CYP2C19: variants seen among roughly 807,000 people sequenced by gnomAD.
CYP2C19 encodes cytochrome P450 2C19.
Under a neutral mutation model 40.9 loss-of-function variants are expected in CYP2C19, and 59 were observed. That is an observed-to-expected ratio of 1.44 (90% CI 1.17 to 1.79). The LOEUF (loss-of-function observed/expected upper bound fraction) is 1.79, where lower values mean the gene tolerates loss of function less well. CYP2C19 is among the 40% of genes most tolerant of loss of function. The probability of loss-of-function intolerance (pLI) is 0.00; values close to 1 mark genes in which losing one functional copy is unlikely to be tolerated. For missense variants in CYP2C19, 754 were observed against 596.9 expected, an observed-to-expected ratio of 1.26 and a Z score of -2.74; for synonymous variants, 253 against 208.7, an observed-to-expected ratio of 1.21 and a Z score of -1.83.
intron 6 of CYP2C19, among the ~76,000 whole-genome samples, chr10:94,837,494 CT>C (rs1353495292): frequency 6.6e-6 from 1 of 152,116 alleles, no homozygotes; most frequent in Non-Finnish European, 1.5e-5. Flanking sequence ...ATAATGGCCC[CT>C]GGTTTTGCTA....
intron 5 of CYP2C19, among the ~76,000 whole-genome samples, chr10:94,816,034 T>C (rs1848996730): frequency 6.6e-6 from 1 of 152,120 alleles, no homozygotes; most frequent in South Asian, 2.1e-4. Flanking sequence ...TTCTCATTTG[T>C]GTTTTGAGAA....
intron 1 of CYP2C19, among the ~76,000 whole-genome samples, chr10:94,766,957 A>G (rs1333502695): frequency 6.6e-6 from 1 of 152,096 alleles, no homozygotes; most frequent in Non-Finnish European, 1.5e-5. Flanking sequence ...CCTGGTTGAA[A>G]CAACTCTGTT....
rs563843490 is a variant in CYP2C19 at position 94,790,620 on chromosome 10, T to C, written c.819+8623T>C. Among the ~76,000 whole-genome samples the C allele has an allele frequency of 3.1e-3, 472 of 152,276 alleles. 3 individuals carry two copies. Among genetic ancestry groups the C allele is most frequent in the African/African-American group, 0.011 (449 of 41,564 alleles). ...GAGATAATCATGTGGTTTTTGTCTT[T>C]GGTTCTGTTTATATGATGGATTACG... On this transcript the variant is annotated intron_variant, in intron 5 of 8. Transcript: ENST00000371321.
rs577992877 is a variant in CYP2C19, at chr10:94,764,552, C to A, written c.168+1679C>A. On this transcript the variant is annotated intron_variant, in intron 1 of 8. Transcript: ENST00000371321. ...CCCCCCTTTAAACAGGACACCCCAA[C>A]TGCTGTTGGGAATTCGGTGATGACT... 3.9e-5 allele frequency among the ~76,000 whole-genome samples: 6 copies of A among 152,256 alleles called. No individual in the cohort carries two copies. The East Asian group carries it at 7.7e-4, about 20-fold the overall frequency.
intron 1 of CYP2C19, among the ~76,000 whole-genome samples, chr10:94,770,062 G>A (rs116760760): frequency 3.9e-5 from 6 of 152,300 alleles, no homozygotes; most frequent in South Asian, 2.1e-4. Context: ...CTTGAGGACC[G>A]TCATCCAGGA....
At chr10:94,768,609 G>A (rs1848281752) in intron 1 of CYP2C19, among the ~76,000 whole-genome samples, 1 of 152,146 alleles carries the variant, frequency 6.6e-6, no homozygotes, top group Non-Finnish European at 1.5e-5. Flanking sequence ...TATATCATGA[G>A]TAGTCCAGAC....
rs1367595026 is a variant in CYP2C19, at chr10:94,768,336, A to G, written c.168+5463A>G. The stretch of plus-strand genomic sequence containing the variant: ...TGCCCTTCATATCCCATTCTCCACA[A>G]ATGAACTTCCTTCGGTATATAGGTT... On this transcript the variant is annotated intron_variant, in intron 1 of 8. Coordinates refer to ENST00000371321, the MANE Select transcript of CYP2C19 (RefSeq NM_000769.4). Among the ~76,000 whole-genome samples the G allele has an allele frequency of 2.6e-5, 4 of 152,142 alleles. No homozygotes were observed. The East Asian group carries it at 5.8e-4, about 22-fold the overall frequency.
intron 7 of CYP2C19, among the ~76,000 whole-genome samples, chr10:94,846,823 T>A (rs1256242118): frequency 1.3e-5 from 2 of 151,262 alleles, no homozygotes; most frequent in African/African-American, 2.4e-5. Flanking sequence ...TATCTCCTAA[T>A]GCTATCTTTC....
intron 5 of CYP2C19, among the ~76,000 whole-genome samples, chr10:94,798,752 G>C (rs1848723059): frequency 6.8e-6 from 1 of 146,576 alleles, no homozygotes. Flanking sequence ...AATGGCCTTT[G>C]TCTGTTTTGT....
At chr10:94,837,343 G>A (rs1190657756) in intron 6 of CYP2C19, among the ~76,000 whole-genome samples, 1 of 152,134 alleles carries the variant, frequency 6.6e-6, no homozygotes, top group Admixed American at 6.6e-5. Context: ...GGGAAAGGAG[G>A]TGGAGTCCTT....
rs867480557 is a variant in CYP2C19 at position 94,777,462 on chromosome 10, C to T, written c.481+1923C>T. Among the ~76,000 whole-genome samples the T allele has an allele frequency of 2.0e-5, 3 of 152,170 alleles. No individual in the cohort carries two copies. In the East Asian group the frequency reaches 5.8e-4, roughly 29 times the overall value. ...CTGATACCAAAACAGATATATAGAACAATGGAACAGAACAGAGACCTCAGA... is the reference window on the plus strand; with the variant it reads ...CTGATACCAAAACAGATATATAGAATAATGGAACAGAACAGAGACCTCAGA... On this transcript the variant is annotated intron_variant, in intron 3 of 8. Coordinates refer to ENST00000371321, the MANE Select transcript of CYP2C19 (RefSeq NM_000769.4).
intron 6 of CYP2C19, among the ~76,000 whole-genome samples, chr10:94,830,919 C>G (rs753919851): frequency 1.3e-5 from 2 of 152,096 alleles, no homozygotes; most frequent in Non-Finnish European, 2.9e-5. Context: ...TTCAATTACA[C>G]TCTTTCAGTT....
chr10:94,818,761 A>C (rs1410010924), intron 5 of CYP2C19, among the ~76,000 whole-genome samples: 1 of 149,560 alleles, frequency 6.7e-6, no homozygotes, highest in Non-Finnish European at 1.5e-5. Flanking sequence ...ACTTTGCTGA[A>C]GTTGCTTATC....
In CYP2C19 at chr10:94,781,979, C is replaced by A. The variant is rs377674118; in HGVS notation, c.801C>A (p.Phe267Leu). 77 of 1,535,144 alleles carry A rather than the reference C, an allele frequency of 5.0e-5. No homozygotes were observed. The Middle Eastern group carries it at 5.1e-4, about 10-fold the overall frequency. Residue 267 changes from phenylalanine to leucine, a missense_variant, in exon 5 of 9, where the codon TTC (phenylalanine) becomes TTA (leucine). Transcript: ENST00000371321. ...ACCCTCGGGACTTTATTGATTGCTT[C>A]CTGATCAAAATGGAGAAGGTAAAAT... ...INNPRDFIDC[F>L]LIKMEKEKQN...
Position 94,842,941 on chromosome 10 carries a change from C to T in CYP2C19, c.1066C>T (p.Gln356Ter), listed in dbSNP as rs1849518550. 6.2e-7 allele frequency: 1 copy of T among 1,614,088 alleles called. No individual in the cohort carries two copies. The highest frequency in any genetic ancestry group is 1.3e-5 in the African/African-American group (1 of 74,924). ...CACAGATGCTGTGGTGCACGAGGTCCAGAGATACATCGACCTCATCCCCAC... is the reference window on the plus strand; with the variant it reads ...CACAGATGCTGTGGTGCACGAGGTCTAGAGATACATCGACCTCATCCCCAC... ...PYTDAVVHEV[Q>*]RYIDLIPTSL... Residue 356 changes from glutamine (Q) to a stop codon, truncating the protein, a stop_gained, in exon 7 of 9, where the codon CAG (glutamine) becomes TAG (stop). Coordinates refer to ENST00000371321, the MANE Select transcript of CYP2C19 (RefSeq NM_000769.4). LOFTEE classifies it high-confidence loss of function.
intron 8 of CYP2C19, among the ~76,000 whole-genome samples, chr10:94,851,658 G>C (rs1423403267): frequency 5.3e-5 from 8 of 151,958 alleles, no homozygotes; most frequent in African/African-American, 1.9e-4. Context: ...GTCTGGTGAG[G>C]GCCTGTTCCT....
At chr10:94,773,123 C>A (rs1848359266) in intron 1 of CYP2C19, among the ~76,000 whole-genome samples, 2 of 152,110 alleles carry the variant, frequency 1.3e-5, no homozygotes, top group African/African-American at 4.8e-5. Flanking sequence ...AGTATTTAGC[C>A]CCTGAATTCT....
intron 3 of CYP2C19, among the ~76,000 whole-genome samples, chr10:94,778,224 G>T (rs78330260): frequency 0.016 from 2,508 of 152,222 alleles, 50 homozygotes; most frequent in Non-Finnish European, 0.028. Context: ...ATGATCAAAG[G>T]TCAGTTCCTG....
intron 5 of CYP2C19, among the ~76,000 whole-genome samples, chr10:94,815,996 T>C (rs1196618326): frequency 6.6e-6 from 1 of 152,180 alleles, no homozygotes; most frequent in Admixed American, 6.5e-5. Flanking sequence ...CAGGTAATAG[T>C]AACTTTAACA....
Sources: allele counts gnomAD v4.1 joint callset (sites outside exome capture counted in the v4.1 genomes callset), GRCh38; gene constraint gnomAD v4.1.1; transcripts MANE v1.5; gene names NCBI Gene and HGNC (gene_info 2026-07-23, HGNC 2026-07-21).